ROBO1: variants seen among roughly 807,000 people sequenced by gnomAD.
ROBO1 encodes the protein roundabout guidance receptor 1.
Under a neutral mutation model 195.9 loss-of-function variants are expected in ROBO1, and 149 were observed. The observed-to-expected ratio is 0.76, with a 90% confidence interval of 0.67 to 0.87. The LOEUF is 0.87. Among genes scored for constraint, ROBO1 ranks in the 40% least tolerant of loss-of-function variants. The probability of loss-of-function intolerance (pLI) is 0.00; values close to 1 mark genes in which losing one functional copy is unlikely to be tolerated. For missense variants in ROBO1, 1,933 were observed against 2,068.3 expected, an observed-to-expected ratio of 0.93 and a Z score of 1.27; for synonymous variants, 816 against 733.2, an observed-to-expected ratio of 1.11 and a Z score of -1.82.
chr3:78,838,828 G>A (rs1490109558), intron 4 of ROBO1, among the ~76,000 whole-genome samples: 1 of 151,976 alleles, frequency 6.6e-6, no homozygotes, highest in Non-Finnish European at 1.5e-5. Flanking sequence ...AAAAAGATAT[G>A]GCCAAAAAGA....
At chr3:78,636,566 T>C (rs1167357772) in intron 22 of ROBO1, among the ~76,000 whole-genome samples, 1 of 151,976 alleles carries the variant, frequency 6.6e-6, no homozygotes, top group East Asian at 1.9e-4. Flanking sequence ...TATTCATAGA[T>C]CAAAGAACTT....
intron 3 of ROBO1, among the ~76,000 whole-genome samples, chr3:78,964,379 G>C (rs2041565230): frequency 6.6e-6 from 1 of 152,070 alleles, no homozygotes; most frequent in Non-Finnish European, 1.5e-5. Flanking sequence ...TCTCAAATGG[G>C]GTGTACAGGG....
chr3:79,577,783 G>C (rs968698430), intron 2 of ROBO1, among the ~76,000 whole-genome samples: 17 of 151,398 alleles, frequency 1.1e-4, no homozygotes, highest in African/African-American at 3.9e-4. Flanking sequence ...ATGGTGGCGG[G>C]AGCCTGTAAT....
chr3:79,612,432 T>A (rs1944690304), intron 1 of ROBO1, among the ~76,000 whole-genome samples: 2 of 151,406 alleles, frequency 1.3e-5, no homozygotes, highest in Admixed American at 6.6e-5. Flanking sequence ...TCTATCATTG[T>A]TGGACATTTG....
At chr3:78,675,349 C>T (rs188554193) in intron 10 of ROBO1, among the ~76,000 whole-genome samples, 6 of 152,044 alleles carry the variant, frequency 3.9e-5, no homozygotes, top group Admixed American at 2.0e-4. Flanking sequence ...GTTCGCGAGC[C>T]GAAGCAGGGC....
Position 79,059,939 on chromosome 3 carries a change from G to A in ROBO1, c.172+65517C>T, listed in dbSNP as rs184831857. Reference sequence around the variant, plus strand: ...TAACCATAAGGTCTGACTGCCTGCCGAGCTGGGCAGAACAGAGTCATATTT... The same window carrying A: ...TAACCATAAGGTCTGACTGCCTGCCAAGCTGGGCAGAACAGAGTCATATTT... On this transcript the variant is annotated intron_variant, in intron 3 of 30. Coordinates refer to ENST00000464233, the MANE Select transcript of ROBO1 (RefSeq NM_002941.4). Among the ~76,000 whole-genome samples the A allele has an allele frequency of 4.2e-3, 644 of 152,108 alleles. 4 individuals carry two copies. Among genetic ancestry groups the A allele is most frequent in the Admixed American group, 0.012 (183 of 15,252 alleles).
intron 2 of ROBO1, among the ~76,000 whole-genome samples, chr3:79,296,328 T>A (rs2032598172): frequency 6.6e-6 from 1 of 152,222 alleles, no homozygotes; most frequent in East Asian, 1.9e-4. Context: ...AAATTAACCA[T>A]CTTTTATATA....
At chr3:79,657,610 A>G (rs913535701) in intron 1 of ROBO1, among the ~76,000 whole-genome samples, 2 of 152,120 alleles carry the variant, frequency 1.3e-5, no homozygotes, top group Non-Finnish European at 2.9e-5. Flanking sequence ...CAAAATAAGG[A>G]GAATGGCACC....
chr3:78,925,131 T>C (rs913295999), intron 4 of ROBO1, among the ~76,000 whole-genome samples: 14 of 152,154 alleles, frequency 9.2e-5, no homozygotes, highest in Middle Eastern at 3.2e-3. Flanking sequence ...ATAATGTTAA[T>C]GAATACTTTT....
At position 78,717,882 on chromosome 3, in the gene ROBO1, A is replaced by G; in HGVS notation, c.659T>C (p.Ile220Thr). ...PLDDKDERIT[I>T]RGGKLMITYT... ...AGTGATCATGAGCTTTCCTCCTCGT[A>G]TCTTAAAAAAAAAGTTTCACAGGAA... The change falls in exon 6 of 31, where the codon ATA (isoleucine) becomes ACA (threonine). Residue 220 changes from isoleucine to threonine, a missense_variant and splice_region_variant. Ile to Thr is a moderately conservative substitution (Grantham distance 89). This residue lies in a region of ROBO1 where 1,737 missense variants were observed against 1,882.5 expected (regional missense o/e 0.92). Transcript: ENST00000464233. 6.2e-7 allele frequency: 1 copy of G among 1,612,988 alleles called. No individual in the cohort carries two copies. Among genetic ancestry groups the G allele is most frequent in the Non-Finnish European group, 8.5e-7 (1 of 1,179,436 alleles).
chr3:79,113,641 C>T (rs2079934696), intron 3 of ROBO1, among the ~76,000 whole-genome samples: 1 of 151,996 alleles, frequency 6.6e-6, no homozygotes, highest in African/African-American at 2.4e-5. Context: ...GTGATGCAAG[C>T]CTGTAACCCG....
chr3:79,562,053 T>C (rs1942939177), intron 2 of ROBO1, among the ~76,000 whole-genome samples: 1 of 152,188 alleles, frequency 6.6e-6, no homozygotes, highest in Non-Finnish European at 1.5e-5. Flanking sequence ...TAAAGTTTTA[T>C]ACATGTGGCC....
chr3:79,685,599 T>C (rs1250344661), intron 1 of ROBO1, among the ~76,000 whole-genome samples: 2 of 152,254 alleles, frequency 1.3e-5, no homozygotes, highest in East Asian at 1.9e-4. Context: ...GGGCAGTTAA[T>C]GAAAGTTCTC....
intron 1 of ROBO1, 78 bp from the exon 2 acceptor site, chr3:79,590,039 C>G (rs1037680245): frequency 6.8e-6 from 4 of 583,978 alleles, no homozygotes; most frequent in Non-Finnish European, 1.2e-5. Context: ...CATTGCAGTT[C>G]AAATAGATTT....
Position 78,923,554 on chromosome 3 carries a change from G to A in ROBO1, c.499+15047C>T, listed in dbSNP as rs113790311. On this transcript the variant is annotated intron_variant, in intron 4 of 30. Coordinates refer to ENST00000464233, the MANE Select transcript of ROBO1 (RefSeq NM_002941.4). ...GTAATGCTACTCTATAGTAGTCTCC[G>A]CTTTTCTAGAAAATTGAAATGCCGC... is the stretch of plus-strand genomic sequence containing the variant. Among the ~76,000 whole-genome samples the A allele has an allele frequency of 8.4e-3, 1,280 of 152,142 alleles. 26 individuals carry two copies. Among genetic ancestry groups the A allele is most frequent in the African/African-American group, 0.027 (1,104 of 41,526 alleles).
At chr3:79,325,271 T>G (rs183710535) in intron 2 of ROBO1, among the ~76,000 whole-genome samples, 114 of 152,328 alleles carry the variant, frequency 7.5e-4, no homozygotes, top group African/African-American at 2.6e-3. Context: ...TGCTTGAATA[T>G]CCTGGTTTAG....
At chr3:79,757,372 A>G (rs904424050) in intron 1 of ROBO1, among the ~76,000 whole-genome samples, 6 of 152,142 alleles carry the variant, frequency 3.9e-5, no homozygotes, top group African/African-American at 1.4e-4. Context: ...CTGACAGACA[A>G]TAACCAGAAA....
chr3:78,874,655 T>C (rs1024800048), intron 4 of ROBO1, among the ~76,000 whole-genome samples: 2 of 151,960 alleles, frequency 1.3e-5, no homozygotes, highest in Admixed American at 1.3e-4. Flanking sequence ...AAAACATTTA[T>C]TTAAAAAATT....
chr3:78,935,753 A>C (rs2039771417), intron 4 of ROBO1, among the ~76,000 whole-genome samples: 1 of 152,084 alleles, frequency 6.6e-6, no homozygotes, highest in African/African-American at 2.4e-5. Flanking sequence ...AGACATGATT[A>C]TTGGTTTGCA....
Sources: allele counts gnomAD v4.1 joint callset (sites outside exome capture counted in the v4.1 genomes callset), GRCh38; gene constraint gnomAD v4.1.1; regional missense constraint gnomAD v4.1.1; transcripts MANE v1.5; gene names NCBI Gene and HGNC (gene_info 2026-07-23, HGNC 2026-07-21).